Variants in RALGAPA2 observed in about 807,000 individuals in gnomAD.
The protein encoded by RALGAPA2 is Ral GTPase activating protein catalytic subunit alpha 2, also known as ral GTPase-activating protein subunit alpha-2.
Under a neutral mutation model 230.4 loss-of-function variants are expected in RALGAPA2, and 139 were observed. That is an observed-to-expected ratio of 0.60 (90% CI 0.53 to 0.69). RALGAPA2 has a LOEUF of 0.69. RALGAPA2 is among the 30% of genes least tolerant of loss of function. The pLI is 0.00. For synonymous variants in RALGAPA2, 847 were observed against 837.8 expected (o/e 1.01, Z -0.19); for missense variants, 2,163 against 2,276.0 (o/e 0.95, Z 1.01).
intron 35 of RALGAPA2, among the ~76,000 whole-genome samples, chr20:20,498,754 T>G (rs2062287466): frequency 6.6e-6 from 1 of 152,188 alleles, no homozygotes; most frequent in South Asian, 2.1e-4. Flanking sequence ...CCCTTTTCAC[T>G]CGTACTGTAT....
At chr20:20,467,652 A>G (rs1484673010) in intron 37 of RALGAPA2, among the ~76,000 whole-genome samples, 2 of 152,100 alleles carry the variant, frequency 1.3e-5, no homozygotes, top group African/African-American at 2.4e-5. Context: ...GTCCCTTCCC[A>G]TTTGAAGGAG....
chr20:20,627,625 T>A (rs2066529971), intron 10 of RALGAPA2, among the ~76,000 whole-genome samples: 1 of 152,160 alleles, frequency 6.6e-6, no homozygotes, highest in South Asian at 2.1e-4. Flanking sequence ...CTCACTCTCA[T>A]GTTGGTGAAT....
intron 1 of RALGAPA2, among the ~76,000 whole-genome samples, chr20:20,692,173 C>T (rs953202202): frequency 6.6e-6 from 1 of 152,164 alleles, no homozygotes; most frequent in African/African-American, 2.4e-5. Flanking sequence ...TTTATAGGAA[C>T]ACAAAGGGAC....
chr20:20,524,203 G>A (rs1047391377), intron 30 of RALGAPA2, among the ~76,000 whole-genome samples: 4 of 152,118 alleles, frequency 2.6e-5, no homozygotes, highest in Non-Finnish European at 5.9e-5. Flanking sequence ...TGATCTGCCC[G>A]CCTCGGCCTC....
chr20:20,653,983 G>A (rs1409593638), intron 3 of RALGAPA2, among the ~76,000 whole-genome samples: 1 of 151,866 alleles, frequency 6.6e-6, no homozygotes, highest in African/African-American at 2.4e-5. Flanking sequence ...ATTAGTCTCT[G>A]GACAAAGAAC....
intron 9 of RALGAPA2, among the ~76,000 whole-genome samples, chr20:20,632,602 C>A (rs2066712896): frequency 1.3e-5 from 2 of 152,224 alleles, no homozygotes; most frequent in South Asian, 4.1e-4. Context: ...AACTGAGTGA[C>A]AATCACTTAA....
rs2062195693 is a variant in RALGAPA2, at chr20:20,496,049, C to CAG, written c.5209-775_5209-774insCT. 2.0e-5 allele frequency among the ~76,000 whole-genome samples: 3 copies of CAG among 152,166 alleles called. No homozygotes were observed. In the South Asian group the frequency reaches 6.2e-4, roughly 32 times the overall value. ...AGTGGCAGAGTGGGCCCGGGACATG[C>CAG]ACTGGGGCTTCCAATTCAGGGCCAT... On this transcript the variant is annotated intron_variant, in intron 35 of 39. Transcript: ENST00000202677.
chr20:20,711,402 C>A (rs1484727040), intron 1 of RALGAPA2, among the ~76,000 whole-genome samples: 1 of 152,122 alleles, frequency 6.6e-6, no homozygotes, highest in Non-Finnish European at 1.5e-5. Context: ...CCTTCGCCAC[C>A]AAATACACAG....
chr20:20,552,641 TGAATATA>T (rs765829436), intron 23 of RALGAPA2, among the ~76,000 whole-genome samples: 18 of 152,184 alleles, frequency 1.2e-4, no homozygotes, highest in Non-Finnish European at 2.2e-4. Context: ...ATACTATATA[TGAATATA>T]ATTTAAACTT....
chr20:20,553,465 T>A (rs944722934), intron 23 of RALGAPA2, among the ~76,000 whole-genome samples: 1 of 151,646 alleles, frequency 6.6e-6, no homozygotes, highest in Non-Finnish European at 1.5e-5. Context: ...GATGGGAGGA[T>A]CGCTTGAGCC....
intron 37 of RALGAPA2, among the ~76,000 whole-genome samples, chr20:20,465,197 A>ACACACACACACACACACTCTCT (rs772089136): frequency 1.4e-5 from 2 of 147,342 alleles, no homozygotes; most frequent in Admixed American, 6.8e-5. Flanking sequence ...ACACACACAC[A>ACACACACACACACACACTCTCT]CTCTCTCATA....
At chr20:20,442,750 A>G (rs1360436903) in intron 37 of RALGAPA2, among the ~76,000 whole-genome samples, 1 of 152,214 alleles carries the variant, frequency 6.6e-6, no homozygotes, top group Non-Finnish European at 1.5e-5. Context: ...ACAAGCAGAC[A>G]CTCTTCTACT....
In RALGAPA2 at chr20:20,392,877, T is replaced by G; in HGVS notation, c.*412A>C. On this transcript the variant is annotated 3_prime_UTR_variant, in exon 40 of 40. Coordinates refer to ENST00000202677, the MANE Select transcript of RALGAPA2 (RefSeq NM_020343.4). ...TGGGGTGCAGAAGCAAGCTGCCCTC[T>G]GCCCCCTCCCTGAAAGCGCAGAATC... 1 of 308,824 alleles carries G rather than the reference T, an allele frequency of 3.2e-6. No homozygotes were observed. Among genetic ancestry groups the G allele is most frequent in the Non-Finnish European group, 6.1e-6 (1 of 162,740 alleles). The allele number at this position is 308,824 out of a possible 1,614,324, so 19.1% of individuals were successfully genotyped here.
At chr20:20,421,839 A>C (rs966464887) in intron 37 of RALGAPA2, among the ~76,000 whole-genome samples, 1 of 152,236 alleles carries the variant, frequency 6.6e-6, no homozygotes, top group African/African-American at 2.4e-5. Flanking sequence ...ACAAATGTTC[A>C]TAGGAGCATT....
chr20:20,513,366 A>T, intron 31 of RALGAPA2, 82 bp from the exon 32 acceptor site: 1,495 of 567,638 alleles, frequency 2.6e-3, no homozygotes, highest in Non-Finnish European at 3.4e-3. Flanking sequence ...GGTGGGGGGC[A>T]GGGGGCAGTT....
intron 33 of RALGAPA2, among the ~76,000 whole-genome samples, chr20:20,509,635 T>G (rs561929153): frequency 3.5e-4 from 53 of 152,248 alleles, no homozygotes; most frequent in African/African-American, 1.2e-3. Flanking sequence ...TGTAGCTATA[T>G]GATGCAATAA....
intron 38 of RALGAPA2, among the ~76,000 whole-genome samples, chr20:20,408,599 G>A (rs2059993540): frequency 6.6e-6 from 1 of 152,206 alleles, no homozygotes; most frequent in African/African-American, 2.4e-5. Context: ...GCTGTGAGCT[G>A]CAGTGATTAC....
intron 38 of RALGAPA2, among the ~76,000 whole-genome samples, chr20:20,408,741 T>A (rs56231359): frequency 0.024 from 3,650 of 151,654 alleles, 124 homozygotes; most frequent in African/African-American, 0.084. Flanking sequence ...TGTGTGTGTG[T>A]GAGAGAGAAA....
chr20:20,447,757 CTT>C (rs1379131098), intron 37 of RALGAPA2, among the ~76,000 whole-genome samples: 3 of 151,888 alleles, frequency 2.0e-5, no homozygotes, highest in Non-Finnish European at 4.4e-5. Context: ...TCATGAAGCT[CTT>C]TTTCTGGGCA....
Sources: gnomAD v4.1 joint callset for allele counts (sites outside exome capture counted in the v4.1 genomes callset) on GRCh38, gnomAD v4.1.1 for gene constraint, MANE v1.5 for transcripts, NCBI Gene and HGNC (gene_info 2026-07-23, HGNC 2026-07-21) for gene names.